CCDC47: variants seen among roughly 807,000 people sequenced by gnomAD.
CCDC47 encodes the protein PAT complex subunit CCDC47.
CCDC47 carries 41 observed loss-of-function variants against 60.5 expected under a neutral mutation model. That is an observed-to-expected ratio of 0.68 (90% CI 0.53 to 0.88). CCDC47 has a LOEUF of 0.88. Ranked by LOEUF, CCDC47 falls within the 40% of genes least tolerant of loss-of-function variation. CCDC47 has a pLI of 0.00. For synonymous variants in CCDC47, 195 were observed against 190.7 expected (o/e 1.02, Z -0.18); for missense variants, 513 against 580.9 (o/e 0.88, Z 1.20).
intron 3 of CCDC47, 48 bp downstream of exon 3, chr17:63,764,692 C>A: frequency 6.7e-7 from 1 of 1,502,684 alleles, no homozygotes; most frequent in Non-Finnish European, 9.2e-7. Flanking sequence ...GGATTGATGA[C>A]AAGACATTTT....
chr17:63,765,988 T>A lies in CCDC47; in HGVS notation c.188A>T (p.Asp63Val). 1 of 1,614,166 alleles carries A rather than the reference T, an allele frequency of 6.2e-7. No individual in the cohort carries two copies. Among genetic ancestry groups the A allele is most frequent in the South Asian group, 1.1e-5 (1 of 91,080 alleles). ...SPQRVIITED[D>V]EDETTVELEG... The stretch of plus-strand genomic sequence containing the variant: ...CAACTCCACAGTGGTCTCATCTTCA[T>A]CATCTTCAGTGATTATGACCCGTTG... Residue 63 changes from aspartate to valine, a missense_variant, in exon 2 of 13, where the codon GAT becomes GTT. By Grantham distance (152) the Asp-to-Val change is radical. Coordinates refer to ENST00000225726, the MANE Select transcript of CCDC47 (RefSeq NM_020198.3).
Position 63,761,255 on chromosome 17 carries a change from C to T in CCDC47, c.644G>A (p.Cys215Tyr). The change falls in exon 5 of 13, where the codon TGT becomes TAT. Residue 215 changes from cysteine (C) to tyrosine (Y), a missense_variant. Cys to Tyr is a radical substitution (Grantham distance 194). Coordinates refer to ENST00000225726, the MANE Select transcript of CCDC47 (RefSeq NM_020198.3). ...YNLWCSGRVC[C>Y]EGMLIQLRFL... is the part of the protein sequence containing the mutation. ...CCTCAGCTGGATAAGCATGCCCTCA[C>T]AGCACACTCGACCAGAACACCACAG... is the stretch of plus-strand genomic sequence containing the variant. The T allele has an allele frequency of 6.2e-7, 1 of 1,614,106 alleles. No homozygotes were observed. The highest frequency in any genetic ancestry group is 1.3e-5 in the African/African-American group (1 of 75,014).
At chr17:63,759,530 TA>T (rs2039237185) in intron 6 of CCDC47, among the ~76,000 whole-genome samples, 2 of 2,306 alleles carry the variant, frequency 8.7e-4, no homozygotes, top group Non-Finnish European at 1.4e-3. Flanking sequence ...TATATATTTA[TA>T]TATATATATA....
chr17:63,771,052 G>GAAAGAAAGAAAGAAAGAAAGAAAGAAAT (rs2039337518), intron 1 of CCDC47, among the ~76,000 whole-genome samples: 1 of 148,864 alleles, frequency 6.7e-6, no homozygotes, highest in Non-Finnish European at 1.5e-5. Context: ...AAGGAAGAAA[G>GAAAGAAAGAAAGAAAGAAAGAAAGAAAT]AAAGAAAGAA....
intron 4 of CCDC47, among the ~76,000 whole-genome samples, chr17:63,762,527 GC>G (rs2144490531): frequency 6.6e-6 from 1 of 152,322 alleles, no homozygotes; most frequent in African/African-American, 2.4e-5. Flanking sequence ...AAAGTATCTA[GC>G]ATAATATATA....
chr17:63,769,393 C>G (rs1235760681), intron 1 of CCDC47, among the ~76,000 whole-genome samples: 1 of 151,986 alleles, frequency 6.6e-6, no homozygotes, highest in Admixed American at 6.6e-5. Context: ...GTGGGCAGAT[C>G]ACCTGAGGTC....
At position 63,761,836 on chromosome 17, in the gene CCDC47, G is replaced by A. The variant is rs150300204; in HGVS notation, c.548-485C>T. The A allele has an allele frequency of 7.7e-3, 7,530 of 975,630 alleles. 37 individuals carry two copies. Among genetic ancestry groups the A allele is most frequent in the Middle Eastern group, 0.021 (40 of 1,894 alleles). 60.4% of individuals were successfully genotyped at this position (975,630 alleles called of 1,614,324 possible). A position where few individuals can be genotyped will look rare whatever the true frequency, so the allele number is the denominator to read the frequency against. On this transcript the variant is annotated intron_variant, in intron 4 of 12. Transcript: ENST00000225726. Reference sequence around the variant, plus strand: ...GGACTGAAATAGATTAGCACTGTTCGTTTTACTTTTAAAACTATTGTCTGT... The same window carrying A: ...GGACTGAAATAGATTAGCACTGTTCATTTTACTTTTAAAACTATTGTCTGT...
chr17:63,773,296 T>C (rs140619968), intron 1 of CCDC47, 116 bp downstream of exon 1: 2 of 152,480 alleles, frequency 1.3e-5, no homozygotes, highest in East Asian at 1.9e-4. Flanking sequence ...CGTGGGAAAG[T>C]TCCCCCAAAC....
At chr17:63,765,167 T>C (rs1217335783) in intron 2 of CCDC47, 6 of 153,860 alleles carry the variant, frequency 3.9e-5, no homozygotes, top group Non-Finnish European at 1.3e-5. Flanking sequence ...GAGGCAACTA[T>C]GTTAATTAGC....
At chr17:63,759,553 A>T (rs1484440220) in intron 6 of CCDC47, among the ~76,000 whole-genome samples, 11 of 83,758 alleles carry the variant, frequency 1.3e-4, no homozygotes, top group Non-Finnish European at 2.5e-4. Context: ...ATATATATAT[A>T]TATATATATA....
At chr17:63,748,070 G>A (rs1040246834) in intron 12 of CCDC47, among the ~76,000 whole-genome samples, 1 of 150,860 alleles carries the variant, frequency 6.6e-6, no homozygotes, top group Non-Finnish European at 1.5e-5. Flanking sequence ...GGCCAGGCTG[G>A]TCTCAAACTC....
intron 12 of CCDC47, among the ~76,000 whole-genome samples, chr17:63,748,192 A>G (rs1415928976): frequency 6.6e-6 from 1 of 151,170 alleles, no homozygotes; most frequent in Non-Finnish European, 1.5e-5. Context: ...TTTGAGACAG[A>G]ATTCTTGCTC....
chr17:63,750,340 G>GA (rs1340402134), intron 12 of CCDC47, among the ~76,000 whole-genome samples: 1 of 152,004 alleles, frequency 6.6e-6, no homozygotes, highest in Non-Finnish European at 1.5e-5. Flanking sequence ...ATTTTCAGGG[G>GA]AAAAATACCT....
At chr17:63,756,898 C>T (rs1428257472) in intron 6 of CCDC47, among the ~76,000 whole-genome samples, 1 of 152,052 alleles carries the variant, frequency 6.6e-6, no homozygotes, top group Non-Finnish European at 1.5e-5. Context: ...GGCGGTAGGG[C>T]ACATATGGTA....
At chr17:63,771,839 T>A (rs375714119) in intron 1 of CCDC47, among the ~76,000 whole-genome samples, 74 of 152,178 alleles carry the variant, frequency 4.9e-4, no homozygotes, top group Middle Eastern at 3.4e-3. Flanking sequence ...CTCAGCACTT[T>A]GGGAGGCCGA....
chr17:63,758,005 G>A (rs1215654433), intron 6 of CCDC47, among the ~76,000 whole-genome samples: 1 of 152,070 alleles, frequency 6.6e-6, no homozygotes, highest in East Asian at 1.9e-4. Context: ...TCTTGAACAA[G>A]ATTTAGAGAG....
Position 63,746,667 on chromosome 17 carries a change from C to A in CCDC47, c.*214G>T. The A allele has an allele frequency of 2.3e-6, 1 of 431,994 alleles. No homozygotes were observed. Among genetic ancestry groups the A allele is most frequent in the Non-Finnish European group, 4.1e-6 (1 of 241,208 alleles). 26.8% of individuals were successfully genotyped at this position (431,994 alleles called of 1,614,324 possible). On this transcript the variant is annotated 3_prime_UTR_variant, in exon 13 of 13. Transcript: ENST00000225726. The stretch of plus-strand genomic sequence containing the variant: ...AAAATAATCAAAATAATTTGATTAT[C>A]TGGAAAAAAAAATTCTTGAAACAGA...
chr17:63,767,945 T>C (rs979029231), intron 1 of CCDC47, among the ~76,000 whole-genome samples: 1 of 152,172 alleles, frequency 6.6e-6, no homozygotes, highest in African/African-American at 2.4e-5. Context: ...ATCCTGGTGT[T>C]TCCTTCTTTG....
intron 4 of CCDC47, among the ~76,000 whole-genome samples, chr17:63,763,631 C>T (rs2039276462): frequency 6.7e-6 from 1 of 148,234 alleles, no homozygotes; most frequent in Admixed American, 6.6e-5. Context: ...TGAGACCATC[C>T]TGGCCAACAT....
Sources: gnomAD v4.1 joint callset for allele counts (sites outside exome capture counted in the v4.1 genomes callset) on GRCh38, gnomAD v4.1.1 for gene constraint, MANE v1.5 for transcripts, NCBI Gene and HGNC (gene_info 2026-07-23, HGNC 2026-07-21) for gene names.